The following PCDH7 variants were observed in gnomAD, a reference collection of about 807,000 sequenced individuals.
The protein encoded by PCDH7 is protocadherin 7.
In PCDH7, 17 loss-of-function variants were observed where a neutral mutation model predicts 58.9. The observed-to-expected ratio is 0.29, with a 90% CI of 0.20 to 0.43. PCDH7 has a LOEUF of 0.43. Among genes scored for constraint, PCDH7 ranks in the 20% least tolerant of loss-of-function variants. The pLI, the probability that PCDH7 is intolerant of heterozygous loss-of-function variation, is 1.00. For synonymous variants in PCDH7, 664 were observed against 616.4 expected, an observed-to-expected ratio of 1.08 and a Z score of -1.14; for missense variants, 1,274 against 1,441.0, an observed-to-expected ratio of 0.88 and a Z score of 1.88.
At chr4:30,923,594 A>T (rs1275282146) in intron 2 of PCDH7, among the ~76,000 whole-genome samples, 2 of 152,184 alleles carry the variant, frequency 1.3e-5, no homozygotes, top group Admixed American at 6.5e-5. Context: ...TACCACCGGA[A>T]TCTAATAATG....
At chr4:30,766,475 G>A (rs1720764588) in intron 1 of PCDH7, among the ~76,000 whole-genome samples, 1 of 152,040 alleles carries the variant, frequency 6.6e-6, no homozygotes, top group Non-Finnish European at 1.5e-5. Context: ...AAGACTTGTG[G>A]TGTGCTAAAT....
intron 3 of PCDH7, among the ~76,000 whole-genome samples, chr4:30,976,701 T>TAA (rs972682365): frequency 2.6e-5 from 4 of 152,076 alleles, no homozygotes; most frequent in African/African-American, 9.7e-5. Context: ...ACCCGGCCCA[T>TAA]AAAATTCTTA....
intron 1 of PCDH7, among the ~76,000 whole-genome samples, chr4:30,917,484 T>G (rs963011574): frequency 2.0e-5 from 3 of 152,100 alleles, no homozygotes; most frequent in Admixed American, 6.5e-5. Flanking sequence ...TATAATCCAT[T>G]GTATGATACA....
At chr4:30,878,571 C>T (rs1014283181) in intron 1 of PCDH7, among the ~76,000 whole-genome samples, 1 of 152,086 alleles carries the variant, frequency 6.6e-6, no homozygotes, top group African/African-American at 2.4e-5. Context: ...TAGCTTGGAT[C>T]ACTCACCCCC....
intron 1 of PCDH7, among the ~76,000 whole-genome samples, chr4:30,747,815 G>T (rs1717968891): frequency 6.6e-6 from 1 of 152,164 alleles, no homozygotes; most frequent in South Asian, 2.1e-4. Context: ...CATACTACAG[G>T]TCTGATTGGC....
chr4:31,098,115 T>C (rs922659888), intron 3 of PCDH7, among the ~76,000 whole-genome samples: 1 of 152,178 alleles, frequency 6.6e-6, no homozygotes, highest in Non-Finnish European at 1.5e-5. Flanking sequence ...AAAGACAAAT[T>C]GAATCAGAAC....
intron 3 of PCDH7, among the ~76,000 whole-genome samples, chr4:31,087,261 C>CT (rs952267712): frequency 3.9e-5 from 6 of 152,044 alleles, no homozygotes; most frequent in African/African-American, 1.2e-4. Context: ...GTGTCTGCAC[C>CT]TTTTTTTCAC....
intron 3 of PCDH7, among the ~76,000 whole-genome samples, chr4:31,042,233 A>T (rs1044637117): frequency 2.6e-5 from 4 of 152,142 alleles, no homozygotes; most frequent in African/African-American, 9.7e-5. Flanking sequence ...TCTAGATAAG[A>T]TAGGAGGATA....
intron 3 of PCDH7, among the ~76,000 whole-genome samples, chr4:31,104,321 T>C (rs755726607): frequency 2.0e-5 from 3 of 152,174 alleles, no homozygotes; most frequent in Non-Finnish European, 4.4e-5. Flanking sequence ...TCCCTAATTG[T>C]ACTAAATTAT....
chr4:31,041,811 T>A (rs764143636), intron 3 of PCDH7, among the ~76,000 whole-genome samples: 10 of 126,878 alleles, frequency 7.9e-5, no homozygotes, highest in Admixed American at 3.0e-4. Context: ...TTTAAAAAAA[T>A]AATGCTGCTT....
At chr4:31,039,735 G>C (rs773972289) in intron 3 of PCDH7, among the ~76,000 whole-genome samples, 3 of 152,082 alleles carry the variant, frequency 2.0e-5, no homozygotes, top group Admixed American at 6.6e-5. Flanking sequence ...TTTTCTAACT[G>C]TTTTGCTGGT....
At chr4:30,841,370 G>A (rs1436325696) in intron 1 of PCDH7, among the ~76,000 whole-genome samples, 2 of 152,012 alleles carry the variant, frequency 1.3e-5, no homozygotes, top group Non-Finnish European at 2.9e-5. Flanking sequence ...GAACTAAATT[G>A]TTTAGACATT....
At chr4:30,802,100 A>G (rs978074194) in intron 1 of PCDH7, among the ~76,000 whole-genome samples, 2 of 152,210 alleles carry the variant, frequency 1.3e-5, no homozygotes, top group Non-Finnish European at 2.9e-5. Flanking sequence ...AAAGTGACTC[A>G]TGGATCTTCA....
chr4:31,038,326 T>C (rs1365761102), intron 3 of PCDH7, among the ~76,000 whole-genome samples: 1 of 150,176 alleles, frequency 6.7e-6, no homozygotes, highest in Non-Finnish European at 1.5e-5. Flanking sequence ...AAAATTGTAT[T>C]ATAATTATTA....
At chr4:31,018,929 A>G (rs1753815413) in intron 3 of PCDH7, among the ~76,000 whole-genome samples, 1 of 152,210 alleles carries the variant, frequency 6.6e-6, no homozygotes, top group African/African-American at 2.4e-5. Flanking sequence ...CAAAAGTGAA[A>G]ATATAGGTAT....
chr4:30,801,680 A>G (rs1156838918), intron 1 of PCDH7, among the ~76,000 whole-genome samples: 2 of 152,186 alleles, frequency 1.3e-5, no homozygotes, highest in Non-Finnish European at 1.5e-5. Context: ...AAACCAAAGA[A>G]AGCTTCATGA....
intron 1 of PCDH7, among the ~76,000 whole-genome samples, chr4:30,879,657 C>A (rs958748745): frequency 6.6e-6 from 1 of 152,034 alleles, no homozygotes; most frequent in African/African-American, 2.4e-5. Flanking sequence ...GCAATTATCG[C>A]CATGATGATA....
At chr4:31,019,615 G>A (rs1753871631) in intron 3 of PCDH7, among the ~76,000 whole-genome samples, 1 of 151,938 alleles carries the variant, frequency 6.6e-6, no homozygotes, top group Non-Finnish European at 1.5e-5. Flanking sequence ...CTTTAACCCA[G>A]GAGGTGGAGG....
intron 3 of PCDH7, among the ~76,000 whole-genome samples, chr4:30,999,825 T>C (rs1485749657): frequency 3.3e-5 from 5 of 152,134 alleles, no homozygotes; most frequent in South Asian, 2.1e-4. Context: ...GTTAATGATA[T>C]ATTGATGTAT....
Sources: gnomAD v4.1 joint callset for allele counts (sites outside exome capture counted in the v4.1 genomes callset) on GRCh38, gnomAD v4.1.1 for gene constraint, MANE v1.5 for transcripts, NCBI Gene and HGNC (gene_info 2026-07-23, HGNC 2026-07-21) for gene names.